Variants in ZNF682 observed in about 807,000 individuals in gnomAD.
ZNF682 encodes the protein zinc finger protein 682.
ZNF682 carries 29 observed loss-of-function variants against 36.5 expected under a neutral mutation model. The ratio of observed to expected loss-of-function variants is 0.80; its 90% CI spans 0.59 to 1.08. The LOEUF (loss-of-function observed/expected upper bound fraction) is 1.08. ZNF682 is among the 50% of genes least tolerant of loss of function. ZNF682 has a pLI of 0.00. For missense variants in ZNF682, 561 were observed against 579.7 expected (o/e 0.97, Z 0.33); for synonymous variants, 180 against 197.0 (o/e 0.91, Z 0.72).
chr19:20,039,234 G>A, intron 1 of ZNF682, 109 bp downstream of exon 1: 1 of 1,533,272 alleles, frequency 6.5e-7, no homozygotes, highest in South Asian at 1.2e-5. Flanking sequence ...ACTCCAGTCC[G>A]CAGACTCCGG....
intron 3 of ZNF682, among the ~76,000 whole-genome samples, chr19:20,008,390 C>T (rs1442107734): frequency 6.6e-6 from 1 of 152,200 alleles, no homozygotes; most frequent in East Asian, 1.9e-4. Context: ...AGGGAAGACA[C>T]TGGAGACAGA....
chr19:20,004,002 T>C, downstream of ZNF682, among the ~76,000 whole-genome samples: 1 of 152,166 alleles, frequency 6.6e-6, no homozygotes, highest in Non-Finnish European at 1.5e-5. Flanking sequence ...CACTTTATCT[T>C]TAGAGTAACA....
chr19:20,010,978 T>A (rs11672881), intron 3 of ZNF682, among the ~76,000 whole-genome samples: 3,705 of 149,978 alleles, frequency 0.025, 69 homozygotes, highest in South Asian at 0.064. Flanking sequence ...GAAAAAAAAA[T>A]TTTTTTAATT....
chr19:20,012,437 T>C (rs10409512), intron 3 of ZNF682, among the ~76,000 whole-genome samples: 125,467 of 152,170 alleles, frequency 0.82, 52,071 homozygotes, highest in African/African-American at 0.9. Flanking sequence ...TTGTAGACTA[T>C]GCATCTGACA....
At chr19:19,999,889 G>T (rs192643468), downstream of ZNF682, among the ~76,000 whole-genome samples, 1 of 152,192 alleles carries the variant, frequency 6.6e-6, no homozygotes, top group Non-Finnish European at 1.5e-5. Flanking sequence ...TTCCCTAGGA[G>T]GTAGATGCTA....
intron 1 of ZNF682, 67 bp from the exon 2 acceptor site, chr19:20,024,443 G>A: frequency 2.6e-6 from 4 of 1,525,922 alleles, no homozygotes; most frequent in South Asian, 1.3e-5. Flanking sequence ...CATGTGAAAA[G>A]AGAGAATTGC....
chr19:20,029,270 C>T (rs1181714690), intron 1 of ZNF682, among the ~76,000 whole-genome samples: 6 of 151,414 alleles, frequency 4.0e-5, no homozygotes, highest in Non-Finnish European at 5.9e-5. Flanking sequence ...CGTGAGTCAC[C>T]GCACCCAGCC....
intron 1 of ZNF682, among the ~76,000 whole-genome samples, chr19:20,029,643 A>T (rs1239851329): frequency 6.6e-6 from 1 of 152,022 alleles, no homozygotes; most frequent in African/African-American, 2.4e-5. Flanking sequence ...AGCTTGAAAT[A>T]AAAGCTGAAG....
chr19:20,030,619 T>C (rs1357955506), intron 1 of ZNF682: 2 of 152,174 alleles, frequency 1.3e-5, no homozygotes, highest in Admixed American at 6.5e-5. Context: ...CTTCTGTTCA[T>C]GAGTGGCCCT....
rs765499002 is a variant in ZNF682, at chr19:20,006,769, T to G, written c.733A>C (p.Thr245Pro). The G allele has an allele frequency of 4.8e-5, 78 of 1,614,068 alleles. No homozygotes were observed. The highest frequency in any genetic ancestry group is 6.4e-5 in the Non-Finnish European group (76 of 1,180,014). Residue 245 changes from threonine (T) to proline (P), a missense_variant, in exon 4 of 4, where the codon ACT becomes CCT. Physicochemically the swap from Thr to Pro is conservative, Grantham distance 38 (BLOSUM62 -1). Coordinates refer to ENST00000397165, the MANE Select transcript of ZNF682 (RefSeq NM_033196.3). ...CCAGTATGGATTCTCTTATGTTTAG[T>G]AAGACTCGAGCACCAGTTAAAAGCT... Reference protein sequence around the residue: ...GKAFNWCSSLTKHKRIHTGEK... With the variant: ...GKAFNWCSSLPKHKRIHTGEK...
chr19:20,024,562 G>T, intron 1 of ZNF682, 186 bp from the exon 2 acceptor site: 2 of 701,184 alleles, frequency 2.9e-6, no homozygotes, highest in Non-Finnish European at 4.3e-6. Flanking sequence ...ATGTGGCCAG[G>T]TTCGGTGGCT....
intron 3 of ZNF682, among the ~76,000 whole-genome samples, chr19:20,011,482 T>C (rs1241803622): frequency 6.6e-6 from 1 of 152,166 alleles, no homozygotes; most frequent in South Asian, 2.1e-4. Flanking sequence ...ACAGAATAAT[T>C]CATCTAATGA....
intron 1 of ZNF682, among the ~76,000 whole-genome samples, chr19:20,031,814 T>C (rs1275434419): frequency 2.6e-5 from 4 of 151,926 alleles, no homozygotes; most frequent in Non-Finnish European, 4.4e-5. Context: ...AGGTGGCGGG[T>C]GCCTGTAGTC....
chr19:20,014,536 C>T (rs2088317931), intron 3 of ZNF682, among the ~76,000 whole-genome samples: 1 of 151,796 alleles, frequency 6.6e-6, no homozygotes, highest in South Asian at 2.1e-4. Flanking sequence ...CTTTGGGAGG[C>T]CCAGGTGGGC....
chr19:20,016,083 G>C (rs1429110004), intron 3 of ZNF682, among the ~76,000 whole-genome samples: 2 of 152,148 alleles, frequency 1.3e-5, no homozygotes, highest in African/African-American at 4.8e-5. Context: ...AGCTGAGGCG[G>C]GTGGATCGCT....
chr19:20,015,188 G>A, intron 3 of ZNF682: 1 of 984,916 alleles, frequency 1.0e-6, no homozygotes, highest in Non-Finnish European at 1.2e-6. Flanking sequence ...CAAATCACAA[G>A]TGTTTCTCTC....
At position 20,024,250 on chromosome 19, in the gene ZNF682, C is replaced by G. The variant is rs746061303; in HGVS notation, c.130G>C (p.Gly44Arg). 1.4e-5 allele frequency: 23 copies of G among 1,613,496 alleles called. No homozygotes were observed. Among genetic ancestry groups the G allele is most frequent in the Non-Finnish European group, 1.9e-5 (23 of 1,179,784 alleles). The change falls in exon 2 of 4, where the codon GGT (glycine) becomes CGT (arginine). Residue 44 changes from glycine to arginine, a missense_variant and splice_region_variant. By Grantham distance (125) the Gly-to-Arg change is moderately radical. Coordinates refer to ENST00000397165, the MANE Select transcript of ZNF682 (RefSeq NM_033196.3). ...LENYRNLVSLGLTVSKPELIS... is the reference protein window; with the variant it reads ...LENYRNLVSLRLTVSKPELIS... The stretch of plus-strand genomic sequence containing the variant: ...AATTGTGTATTGAAGTTATTCTCAC[C>G]CAGAGAGACCAGGTTTCTGTAGTTC...
At chr19:20,037,742 T>C (rs1189019425) in intron 1 of ZNF682, among the ~76,000 whole-genome samples, 1 of 152,182 alleles carries the variant, frequency 6.6e-6, no homozygotes, top group Admixed American at 6.6e-5. Context: ...TGGGGATATT[T>C]TTTTTCTCTC....
intron 1 of ZNF682, among the ~76,000 whole-genome samples, chr19:20,030,079 C>T (rs888763633): frequency 6.6e-6 from 1 of 152,040 alleles, no homozygotes; most frequent in South Asian, 2.1e-4. Flanking sequence ...TGGGGTATTT[C>T]CAATTCTGTG....
Sources: allele counts gnomAD v4.1 joint callset (sites outside exome capture counted in the v4.1 genomes callset), GRCh38; gene constraint gnomAD v4.1.1; transcripts MANE v1.5; gene names NCBI Gene and HGNC (gene_info 2026-07-23, HGNC 2026-07-21).